DNAH7: variants seen among roughly 807,000 people sequenced by gnomAD.
DNAH7 encodes the protein axonemal beta dynein heavy chain 7.
In DNAH7, 397 loss-of-function variants were observed where a neutral mutation model predicts 444.6. The ratio of observed to expected loss-of-function variants is 0.89; its 90% CI spans 0.82 to 0.97. DNAH7 has a LOEUF of 0.97. Among genes scored for constraint, DNAH7 ranks in the 50% least tolerant of loss-of-function variants. The pLI, the probability that DNAH7 is intolerant of heterozygous loss-of-function variation, is 0.00. For missense variants in DNAH7, 4,902 were observed against 4,800.8 expected (o/e 1.02, Z -0.62); for synonymous variants, 1,636 against 1,624.4 (o/e 1.01, Z -0.17).
At chr2:196,045,157 G>A (rs1404816884) in intron 5 of DNAH7, among the ~76,000 whole-genome samples, 1 of 148,298 alleles carries the variant, frequency 6.7e-6, no homozygotes, top group Non-Finnish European at 1.5e-5. Context: ...AGGAGGAGGA[G>A]AAGAAGGAGG....
Position 195,737,950 on chromosome 2 carries a change from C to T in DNAH7, c.12046G>A (p.Val4016Ile). The stretch of plus-strand genomic sequence containing the variant: ...GAATTAAGTTGACATAACAGTGCTA[C>T]ACCTCGTCCAATCCAGTGTTCCTTG... ...QPKEHWIGRG[V>I]ALLCQLNS The change falls in exon 65 of 65, where the codon GTA becomes ATA. Residue 4016 changes from valine to isoleucine, a missense_variant. Coordinates refer to ENST00000312428, the MANE Select transcript of DNAH7 (RefSeq NM_018897.3). The T allele has an allele frequency of 6.2e-7, 1 of 1,614,080 alleles. No individual in the cohort carries two copies.
At chr2:195,822,874 C>T (rs1054667863) in intron 49 of DNAH7, among the ~76,000 whole-genome samples, 5 of 152,174 alleles carry the variant, frequency 3.3e-5, no homozygotes, top group Non-Finnish European at 7.3e-5. Flanking sequence ...TTCTTTTTCA[C>T]TTATATTTAA....
chr2:195,748,429 C>T (rs1693563524), intron 63 of DNAH7, among the ~76,000 whole-genome samples: 1 of 152,166 alleles, frequency 6.6e-6, no homozygotes, highest in Non-Finnish European at 1.5e-5. Flanking sequence ...TTTACAGATT[C>T]AATGCTATCC....
At chr2:195,900,684 C>A (rs1040560388) in intron 27 of DNAH7, 190 bp from the exon 28 acceptor site, 4 of 525,276 alleles carry the variant, frequency 7.6e-6, no homozygotes, top group Non-Finnish European at 1.3e-5. Context: ...GGCTGGTTAA[C>A]AAATGCAAAA....
Position 195,936,613 on chromosome 2 carries a change from A to T in DNAH7, c.3258T>A (p.Thr1086=). Residue 1086 remains threonine (T), a synonymous_variant, in exon 20 of 65, where the codon ACT becomes ACA. Transcript: ENST00000312428. ...AAATTACTTACCTAGTGGGATCTTT[A>T]GTCTCAGATAGTATCTCAAGAAGTT... is the stretch of plus-strand genomic sequence containing the variant. ...NDELLEILSE[T]KDPTRVQPHL... is the part of the protein sequence containing the mutation. The T allele has an allele frequency of 6.3e-7, 1 of 1,585,982 alleles. No homozygotes were observed. Among genetic ancestry groups the T allele is most frequent in the South Asian group, 1.2e-5 (1 of 83,072 alleles).
chr2:195,794,033 T>C (rs574969753), intron 57 of DNAH7, among the ~76,000 whole-genome samples: 25 of 152,328 alleles, frequency 1.6e-4, no homozygotes, highest in Non-Finnish European at 3.2e-4. Flanking sequence ...TGAAACAAGA[T>C]TCTCCAACCT....
At chr2:195,902,289 A>G (rs1030750350) in intron 27 of DNAH7, 2 of 152,106 alleles carry the variant, frequency 1.3e-5, no homozygotes, top group African/African-American at 2.4e-5. Context: ...TAAGGTTACC[A>G]TTAAAGAATG....
In DNAH7 at chr2:195,872,466, A is replaced by G; in HGVS notation, c.6417T>C (p.Tyr2139=). The G allele has an allele frequency of 6.3e-7, 1 of 1,577,980 alleles. No individual in the cohort carries two copies. The highest frequency in any genetic ancestry group is 8.6e-7 in the Non-Finnish European group (1 of 1,161,184). The stretch of plus-strand genomic sequence containing the variant: ...AATCTAGAAATTCATCTGGAAATTT[A>G]TAACTTAAAAATTTTTTAAATAAAA... The part of the protein sequence containing the change: ...RILTWHLEIC[Y]KFPDEFLDLT... The change falls in exon 40 of 65, where the codon TAT becomes TAC. Residue 2139 remains tyrosine, a synonymous_variant. Transcript: ENST00000312428.
At chr2:195,746,959 A>C (rs1693453812) in intron 63 of DNAH7, among the ~76,000 whole-genome samples, 1 of 151,952 alleles carries the variant, frequency 6.6e-6, no homozygotes, top group South Asian at 2.1e-4. Context: ...GAGCAAACAC[A>C]TTCAAAAGCT....
intron 24 of DNAH7, among the ~76,000 whole-genome samples, chr2:195,918,447 G>T (rs1026362904): frequency 6.6e-6 from 1 of 152,156 alleles, no homozygotes; most frequent in Non-Finnish European, 1.5e-5. Context: ...AGTTTAAAAC[G>T]ATGTCCACCC....
Position 195,897,767 on chromosome 2 carries a change from TAAAAAAAA to T in DNAH7, c.4549-10_4549-3del. On this transcript the variant is annotated splice_region_variant and splice_polypyrimidine_tract_variant and intron_variant, in intron 28 of 64. Transcript: ENST00000312428. ...TTCATTTTCATTTGGATATTTCAGC[TAAAAAAAA>T]AAAAAAAAACTCATGAGGATATCTG... The T allele has an allele frequency of 8.7e-7, 1 of 1,145,488 alleles. No homozygotes were observed. Among genetic ancestry groups the T allele is most frequent in the Non-Finnish European group, 1.2e-6 (1 of 831,642 alleles). 71.0% of individuals were successfully genotyped at this position (1,145,488 alleles called of 1,614,324 possible).
intron 12 of DNAH7, among the ~76,000 whole-genome samples, chr2:195,998,139 A>G (rs1467754455): frequency 6.6e-6 from 1 of 152,220 alleles, no homozygotes; most frequent in African/African-American, 2.4e-5. Context: ...TGATACCATG[A>G]AAAACATCTC....
chr2:195,875,395 CCAGAAGGTGGGAGAAAAAAGTTT>C (rs527656446), intron 38 of DNAH7, among the ~76,000 whole-genome samples: 2,721 of 151,652 alleles, frequency 0.018, 88 homozygotes, highest in African/African-American at 0.062. Context: ...TGGAAGACTT[CCAGAAGGTGGGAGAAAAAAGTTT>C]CAGAAGGTGG....
At chr2:195,744,418 C>G (rs1271606625) in intron 63 of DNAH7, among the ~76,000 whole-genome samples, 1 of 152,188 alleles carries the variant, frequency 6.6e-6, no homozygotes, top group East Asian at 1.9e-4. Flanking sequence ...CCTCTGGGGG[C>G]AGGGCACAGA....
chr2:195,915,530 G>A (rs773576022), intron 24 of DNAH7, among the ~76,000 whole-genome samples: 2 of 152,168 alleles, frequency 1.3e-5, no homozygotes, highest in Non-Finnish European at 2.9e-5. Flanking sequence ...TGCTATTAGA[G>A]CCAATGAGAA....
At chr2:195,906,056 A>G (rs993043349) in intron 27 of DNAH7, among the ~76,000 whole-genome samples, 1 of 152,144 alleles carries the variant, frequency 6.6e-6, no homozygotes, top group African/African-American at 2.4e-5. Context: ...GCTTATAAAG[A>G]TGGGAACGTG....
chr2:195,909,763 C>T (rs1687247819), intron 25 of DNAH7, among the ~76,000 whole-genome samples: 1 of 152,160 alleles, frequency 6.6e-6, no homozygotes, highest in South Asian at 2.1e-4. Context: ...CTCTTATCTG[C>T]TCCAATGTAT....
intron 46 of DNAH7, among the ~76,000 whole-genome samples, chr2:195,845,550 T>C (rs142351120): frequency 7.2e-4 from 110 of 152,328 alleles, no homozygotes; most frequent in Middle Eastern, 3.4e-3. Context: ...AGAGCCCGAA[T>C]AGCCAAAGCT....
chr2:196,023,131 T>C (rs1695478895), intron 8 of DNAH7, among the ~76,000 whole-genome samples: 1 of 152,148 alleles, frequency 6.6e-6, no homozygotes, highest in Non-Finnish European at 1.5e-5. Context: ...TGGTTTAGCA[T>C]CATCCTCTTG....
Sources: allele counts gnomAD v4.1 joint callset (sites outside exome capture counted in the v4.1 genomes callset), GRCh38; gene constraint gnomAD v4.1.1; transcripts MANE v1.5; gene names NCBI Gene and HGNC (gene_info 2026-07-23, HGNC 2026-07-21).